The following BABAM2 variants were observed in gnomAD, a reference collection of about 807,000 sequenced individuals.
BABAM2 encodes the protein BRISC and BRCA1-A complex member 2.
In BABAM2, 31 loss-of-function variants were observed where a neutral mutation model predicts 54.7. That is an observed-to-expected ratio of 0.57 (90% confidence interval 0.43 to 0.77). BABAM2 has a LOEUF of 0.77. BABAM2 is among the 30% of genes least tolerant of loss of function. The probability of loss-of-function intolerance (pLI) is 0.00; values close to 1 mark genes in which losing one functional copy is unlikely to be tolerated. For synonymous variants in BABAM2, 167 were observed against 162.9 expected, an observed-to-expected ratio of 1.03 and a Z score of -0.19; for missense variants, 364 against 455.8, an observed-to-expected ratio of 0.80 and a Z score of 1.83.
rs570023812 is a variant in BABAM2 at position 27,958,832 on chromosome 2, G to A, written c.205+28924G>A. Reference sequence around the variant, plus strand: ...TGCACACAGTATACACTATCAGTGTGAAGTACTTTGAGCCCTGCAGAAGAA... The same window carrying A: ...TGCACACAGTATACACTATCAGTGTAAAGTACTTTGAGCCCTGCAGAAGAA... On this transcript the variant is annotated intron_variant, in intron 3 of 11. Coordinates refer to ENST00000379624, the MANE Select transcript of BABAM2 (RefSeq NM_199191.3). Among the ~76,000 whole-genome samples the A allele has an allele frequency of 2.6e-5, 4 of 152,276 alleles. No individual in the cohort carries two copies. The South Asian group carries it at 8.3e-4, about 32-fold the overall frequency.
At chr2:27,944,039 A>G (rs529304991) in intron 3 of BABAM2, among the ~76,000 whole-genome samples, 4 of 152,318 alleles carry the variant, frequency 2.6e-5, no homozygotes, top group African/African-American at 9.6e-5. Flanking sequence ...CAGTTTAATT[A>G]TAGCTATGTA....
chr2:28,287,533 A>C (rs780377899), intron 10 of BABAM2, among the ~76,000 whole-genome samples: 1 of 152,220 alleles, frequency 6.6e-6, no homozygotes, highest in Non-Finnish European at 1.5e-5. Flanking sequence ...CCCAGTGGCA[A>C]ACATGTAGGG....
intron 7 of BABAM2, among the ~76,000 whole-genome samples, chr2:28,234,260 A>AGAT (rs1460968000): frequency 1.3e-5 from 2 of 152,128 alleles, no homozygotes; most frequent in Admixed American, 6.6e-5. Flanking sequence ...GCATTTAATT[A>AGAT]GATAATGTGA....
intron 3 of BABAM2, among the ~76,000 whole-genome samples, chr2:27,950,539 G>A (rs1669632284): frequency 6.6e-6 from 1 of 151,942 alleles, no homozygotes; most frequent in Non-Finnish European, 1.5e-5. Context: ...CTATATTGTT[G>A]GATTTAATTT....
At chr2:27,981,201 A>C (rs1368094324) in intron 3 of BABAM2, among the ~76,000 whole-genome samples, 2 of 152,130 alleles carry the variant, frequency 1.3e-5, no homozygotes, top group Non-Finnish European at 2.9e-5. Context: ...TTTTAAATGC[A>C]GAAACTCTTC....
chr2:28,169,545 G>A (rs545070210), intron 7 of BABAM2, among the ~76,000 whole-genome samples: 1 of 152,226 alleles, frequency 6.6e-6, no homozygotes, highest in African/African-American at 2.4e-5. Flanking sequence ...GGGCAGCCAA[G>A]CTGGGAGGAT....
chr2:27,976,995 C>T (rs1007547881), intron 3 of BABAM2, among the ~76,000 whole-genome samples: 1 of 152,110 alleles, frequency 6.6e-6, no homozygotes, highest in African/African-American at 2.4e-5. Flanking sequence ...TGTTTGAGAG[C>T]CTAATTCATG....
intron 5 of BABAM2, among the ~76,000 whole-genome samples, chr2:28,042,940 C>T (rs1255372958): frequency 1.3e-5 from 2 of 151,634 alleles, no homozygotes; most frequent in African/African-American, 2.4e-5. Context: ...AGGAGAATGG[C>T]GTGAACCCAG....
intron 10 of BABAM2, among the ~76,000 whole-genome samples, chr2:28,271,852 C>T (rs1055239130): frequency 6.6e-6 from 1 of 152,210 alleles, no homozygotes; most frequent in Non-Finnish European, 1.5e-5. Flanking sequence ...ACCCTCAGCT[C>T]ATGACATTTA....
chr2:28,171,851 T>C (rs1674356538), intron 7 of BABAM2, among the ~76,000 whole-genome samples: 2 of 113,654 alleles, frequency 1.8e-5, no homozygotes, highest in African/African-American at 5.7e-5. Flanking sequence ...TTGAAACCTT[T>C]TGTTCTTCGA....
At chr2:28,179,713 T>C (rs2147877895) in intron 7 of BABAM2, among the ~76,000 whole-genome samples, 1 of 152,334 alleles carries the variant, frequency 6.6e-6, no homozygotes, top group South Asian at 2.1e-4. Flanking sequence ...AATGTGATCT[T>C]ATATCTAGAA....
intron 4 of BABAM2, among the ~76,000 whole-genome samples, chr2:27,994,260 C>T (rs558508524): frequency 2.6e-4 from 40 of 152,158 alleles, no homozygotes; most frequent in African/African-American, 8.9e-4. Flanking sequence ...GTGGTAAGTA[C>T]CAGGGACTTG....
intron 5 of BABAM2, among the ~76,000 whole-genome samples, chr2:28,042,837 A>T (rs1003846842): frequency 6.6e-6 from 1 of 152,034 alleles, no homozygotes; most frequent in Non-Finnish European, 1.5e-5. Flanking sequence ...ATCCTGGCTA[A>T]CATGGTGAAA....
intron 7 of BABAM2, among the ~76,000 whole-genome samples, chr2:28,216,440 G>A (rs1679921802): frequency 6.6e-6 from 1 of 152,174 alleles, no homozygotes; most frequent in Non-Finnish European, 1.5e-5. Flanking sequence ...GTATTTTAGA[G>A]AACCAAACCA....
intron 4 of BABAM2, among the ~76,000 whole-genome samples, chr2:28,006,205 C>T (rs190314539): frequency 4.3e-4 from 65 of 152,092 alleles, no homozygotes; most frequent in Non-Finnish European, 8.1e-4. Context: ...TATAGTTTAA[C>T]ATGTTCCTTT....
chr2:28,044,454 G>T (rs1677396220), intron 5 of BABAM2, among the ~76,000 whole-genome samples: 3 of 152,108 alleles, frequency 2.0e-5, no homozygotes, highest in Admixed American at 1.3e-4. Flanking sequence ...TGGTCTCGAT[G>T]TCCTGACCGT....
rs1289395825 is a variant in BABAM2 at position 27,907,274 on chromosome 2, C to T, written c.128+12590C>T. On this transcript the variant is annotated intron_variant, in intron 2 of 11. Transcript: ENST00000379624. Reference sequence around the variant, plus strand: ...ATACATCTTTTTTTTTTTTGTTTTCCGAGAAGATTTTTTATCTCAACCTTT... The same window carrying T: ...ATACATCTTTTTTTTTTTTGTTTTCTGAGAAGATTTTTTATCTCAACCTTT... Among the ~76,000 whole-genome samples, 4 of 149,532 alleles carry T rather than the reference C, an allele frequency of 2.7e-5. No homozygotes were observed. The East Asian group carries it at 5.8e-4, about 22-fold the overall frequency.
At position 28,106,399 on chromosome 2, in the gene BABAM2, C is replaced by T. The variant is rs1667529071; in HGVS notation, c.571-22872C>T. 1.3e-5 allele frequency among the ~76,000 whole-genome samples: 2 copies of T among 152,170 alleles called. 1 individual carries two copies. The highest frequency in any genetic ancestry group is 3.8e-4 in the East Asian group (2 of 5,196). On this transcript the variant is annotated intron_variant, in intron 6 of 11. Coordinates refer to ENST00000379624, the MANE Select transcript of BABAM2 (RefSeq NM_199191.3). Reference sequence around the variant, plus strand: ...GCCTCCCCTGGCATGACCTACCATGCCTGGTTCAGAATTCAGTTTAGAATC... The same window carrying T: ...GCCTCCCCTGGCATGACCTACCATGTCTGGTTCAGAATTCAGTTTAGAATC...
chr2:27,910,856 A>G lies in BABAM2; in HGVS notation c.128+16172A>G, dbSNP rs577027545. ...GGCATTTGGGTAGTTCCTAATTGAT[A>G]TGGTTTGGGTGTGTTTCCACCCAAA... On this transcript the variant is annotated intron_variant, in intron 2 of 11. Coordinates refer to ENST00000379624, the MANE Select transcript of BABAM2 (RefSeq NM_199191.3). 1.1e-3 allele frequency among the ~76,000 whole-genome samples: 174 copies of G among 152,200 alleles called. 1 individual carries two copies. The highest frequency in any genetic ancestry group is 2.1e-3 in the Non-Finnish European group (143 of 68,008).
Sources: gnomAD v4.1 joint callset for allele counts (sites outside exome capture counted in the v4.1 genomes callset) on GRCh38, gnomAD v4.1.1 for gene constraint, MANE v1.5 for transcripts, NCBI Gene and HGNC (gene_info 2026-07-23, HGNC 2026-07-21) for gene names.